The following TAFA2 variants were observed in gnomAD, a reference collection of about 807,000 sequenced individuals.
TAFA2 encodes the protein chemokine-like protein TAFA-2.
TAFA2 carries 7 observed loss-of-function variants against 18.8 expected under a neutral mutation model. That is an observed-to-expected ratio of 0.37 (90% CI 0.21 to 0.70). The LOEUF is 0.70. Ranked by LOEUF, TAFA2 falls within the 30% of genes least tolerant of loss-of-function variation. The pLI, the probability that TAFA2 is intolerant of heterozygous loss-of-function variation, is 0.53. For synonymous variants in TAFA2, 60 were observed against 54.2 expected (o/e 1.11, Z -0.47); for missense variants, 122 against 158.1 (o/e 0.77, Z 1.23).
chr12:62,028,917 A>C lies in TAFA2; in HGVS notation c.-1-161491T>G, dbSNP rs564084547. 2.0e-5 allele frequency among the ~76,000 whole-genome samples: 3 copies of C among 152,290 alleles called. No homozygotes were observed. In the South Asian group the frequency reaches 6.2e-4, roughly 32 times the overall value. ...CCTCCTTCACATCTAATATAGGAAT[A>C]TCTGCCATTTACTATCTGTATGCTA... On this transcript the variant is annotated intron_variant, in intron 1 of 4. Transcript: ENST00000416284.
chr12:61,902,937 A>T (rs980634707), intron 1 of TAFA2, among the ~76,000 whole-genome samples: 2 of 151,772 alleles, frequency 1.3e-5, no homozygotes, highest in African/African-American at 2.4e-5. Flanking sequence ...CCTTTCCCTC[A>T]TTCCCATTTT....
intron 1 of TAFA2, among the ~76,000 whole-genome samples, chr12:61,947,540 C>T (rs149341147): frequency 6.6e-6 from 1 of 152,194 alleles, no homozygotes. Flanking sequence ...AACCTGAAAA[C>T]TAATGATGTG....
intron 2 of TAFA2, among the ~76,000 whole-genome samples, chr12:61,866,312 C>T (rs1035219424): frequency 3.3e-5 from 5 of 151,998 alleles, no homozygotes; most frequent in Non-Finnish European, 7.4e-5. Flanking sequence ...CTTTTCTCTC[C>T]CTGGTGTTAA....
intron 1 of TAFA2, among the ~76,000 whole-genome samples, chr12:62,034,584 A>G (rs1416129786): frequency 1.3e-5 from 2 of 152,172 alleles, no homozygotes; most frequent in Non-Finnish European, 2.9e-5. Context: ...TATGCTAACT[A>G]TATTTGACTG....
rs1251518548 is a variant in TAFA2 at position 61,710,296 on chromosome 12, G to A, written c.*110C>T. ...ATCCCTTGGAAATAGACTATTGAGC[G>A]CCTCTTTCAAGTGGTATAAAAATCT... On this transcript the variant is annotated 3_prime_UTR_variant, in exon 5 of 5. Transcript: ENST00000416284. The A allele has an allele frequency of 1.4e-5, 13 of 945,428 alleles. No homozygotes were observed. Among genetic ancestry groups the A allele is most frequent in the Non-Finnish European group, 2.0e-5 (12 of 585,402 alleles). The allele number at this position is 945,428 out of a possible 1,614,324, so 58.6% of individuals were successfully genotyped here.
intron 1 of TAFA2, among the ~76,000 whole-genome samples, chr12:62,036,231 C>T (rs1181447896): frequency 6.6e-6 from 1 of 152,138 alleles, no homozygotes; most frequent in Non-Finnish European, 1.5e-5. Context: ...TACTATACAG[C>T]CTTATAGGTG....
At chr12:61,845,284 TA>T (rs1486275583) in intron 2 of TAFA2, among the ~76,000 whole-genome samples, 2 of 152,130 alleles carry the variant, frequency 1.3e-5, no homozygotes, top group Non-Finnish European at 2.9e-5. Flanking sequence ...TATTGAACTT[TA>T]AATTATTCTT....
intron 1 of TAFA2, among the ~76,000 whole-genome samples, chr12:61,988,733 T>A (rs1422285729): frequency 2.0e-5 from 3 of 152,186 alleles, no homozygotes; most frequent in African/African-American, 7.2e-5. Flanking sequence ...AACGGAGATG[T>A]GTCTCTTGTA....
At chr12:62,257,174 G>GTGTA (rs2062944441) in intron 1 of TAFA2, among the ~76,000 whole-genome samples, 4 of 5,812 alleles carry the variant, frequency 6.9e-4, no homozygotes, top group African/African-American at 1.3e-3. Context: ...GTGTGTGTGT[G>GTGTA]TGTGTGTGTG....
At chr12:61,738,287 G>GAA (rs993714931) in intron 4 of TAFA2, among the ~76,000 whole-genome samples, 1 of 51,450 alleles carries the variant, frequency 1.9e-5, no homozygotes, top group Non-Finnish European at 3.8e-5. Context: ...AAATGAAAAT[G>GAA]AAAACACACA....
Position 62,033,697 on chromosome 12 carries a change from T to C in TAFA2, c.-2+157562A>G, listed in dbSNP as rs539947125. ...CCCATAAACATGTTATATATATATA[T>C]ACACGTTATATACCAAATATGTTAT... On this transcript the variant is annotated intron_variant, in intron 1 of 4. Coordinates refer to ENST00000416284, the MANE Select transcript of TAFA2 (RefSeq NM_178539.5). Among the ~76,000 whole-genome samples, 4 of 152,258 alleles carry C rather than the reference T, an allele frequency of 2.6e-5. No individual in the cohort carries two copies. The South Asian group carries it at 6.2e-4, about 24-fold the overall frequency.
intron 1 of TAFA2, among the ~76,000 whole-genome samples, chr12:61,870,193 G>T (rs1457843550): frequency 6.6e-6 from 1 of 152,132 alleles, no homozygotes; most frequent in African/African-American, 2.4e-5. Flanking sequence ...CGTCACTCCT[G>T]TCCAGTTAAT....
intron 1 of TAFA2, among the ~76,000 whole-genome samples, chr12:62,016,906 C>G (rs764067748): frequency 2.0e-5 from 3 of 152,160 alleles, no homozygotes; most frequent in Non-Finnish European, 4.4e-5. Context: ...ACATGTAGAG[C>G]AGGGGAGTTG....
At chr12:61,784,486 C>T (rs1225162340) in intron 2 of TAFA2, among the ~76,000 whole-genome samples, 3 of 151,388 alleles carry the variant, frequency 2.0e-5, no homozygotes, top group African/African-American at 7.3e-5. Context: ...TGGGTTTCTT[C>T]GTTCTCTTTT....
chr12:62,017,338 A>G (rs2136722946), intron 1 of TAFA2, among the ~76,000 whole-genome samples: 1 of 152,330 alleles, frequency 6.6e-6, no homozygotes, highest in Admixed American at 6.5e-5. Context: ...TTATTCCAAG[A>G]AAGCATTTTA....
chr12:62,226,089 G>A (rs1271998334), intron 1 of TAFA2, among the ~76,000 whole-genome samples: 1 of 151,834 alleles, frequency 6.6e-6, no homozygotes, highest in Non-Finnish European at 1.5e-5. Context: ...TTTCTAAGAT[G>A]TTCATAGTGG....
At chr12:61,873,190 G>A (rs1462642909) in intron 1 of TAFA2, among the ~76,000 whole-genome samples, 2 of 152,134 alleles carry the variant, frequency 1.3e-5, no homozygotes, top group Non-Finnish European at 2.9e-5. Context: ...GTGAAGAACA[G>A]TACATATTGG....
At chr12:62,032,725 C>A (rs1881492610) in intron 1 of TAFA2, among the ~76,000 whole-genome samples, 1 of 152,102 alleles carries the variant, frequency 6.6e-6, no homozygotes, top group African/African-American at 2.4e-5. Context: ...AGCAGACCTG[C>A]TTGGAGCTAC....
chr12:62,178,897 A>C (rs994442102), intron 1 of TAFA2, among the ~76,000 whole-genome samples: 5 of 152,214 alleles, frequency 3.3e-5, no homozygotes, highest in Non-Finnish European at 5.9e-5. Context: ...GTTCTGAGAC[A>C]CTTGTAGAGA....
Sources: gnomAD v4.1 joint callset for allele counts (sites outside exome capture counted in the v4.1 genomes callset) on GRCh38, gnomAD v4.1.1 for gene constraint, MANE v1.5 for transcripts, NCBI Gene and HGNC (gene_info 2026-07-23, HGNC 2026-07-21) for gene names.